The following C3orf20 variants were observed in gnomAD, a reference collection of about 807,000 sequenced individuals.
C3orf20 encodes the protein uncharacterized protein C3orf20.
Under a neutral mutation model 88.3 loss-of-function variants are expected in C3orf20, and 76 were observed. The ratio of observed to expected loss-of-function variants is 0.86; its 90% CI spans 0.72 to 1.04. The LOEUF is 1.04. C3orf20 is among the 50% of genes least tolerant of loss of function. The pLI, the probability that C3orf20 is intolerant of heterozygous loss-of-function variation, is 0.00. For synonymous variants in C3orf20, 436 were observed against 437.4 expected, an observed-to-expected ratio of 1.00 and a Z score of 0.04; for missense variants, 1,056 against 1,123.3, an observed-to-expected ratio of 0.94 and a Z score of 0.86.
rs554327846 is a variant in C3orf20, at chr3:14,726,487, G to A, written c.1567-414G>A. On this transcript the variant is annotated intron_variant, in intron 10 of 16. Transcript: ENST00000253697. ...CGTCCACTTACTCACGAATGCAATA[G>A]CATTTACTGAGCACCTGCATGACAA... 2.0e-5 allele frequency among the ~76,000 whole-genome samples: 3 copies of A among 152,364 alleles called. No individual in the cohort carries two copies. The South Asian group carries it at 6.2e-4, about 32-fold the overall frequency.
Position 14,772,123 on chromosome 3 carries a change from C to G in C3orf20, c.2552C>G (p.Ser851Ter). 1 of 1,614,228 alleles carries G rather than the reference C, an allele frequency of 6.2e-7. No homozygotes were observed. Among genetic ancestry groups the G allele is most frequent in the South Asian group, 1.1e-5 (1 of 91,078 alleles). Reference protein sequence around the residue: ...EDSESVKKAESEDIQGSSSSL... With the variant: ...EDSESVKKAE ...TCTGAATCAGTCAAGAAAGCCGAGT[C>G]AGAAGATATCCAAGGAAGCAGCTCC... The change falls in exon 16 of 17, where the codon TCA (serine) becomes TGA (stop). Residue 851 changes from serine to a stop codon, truncating the protein, a stop_gained. Transcript: ENST00000253697. LOFTEE classifies it high-confidence loss of function. This position sits in a 1 kb window ranked among gnomAD's most constrained non-coding sequence, Gnocchi z 4.2.
At chr3:14,693,166 G>A (rs1469894589) in intron 5 of C3orf20, among the ~76,000 whole-genome samples, 1 of 152,064 alleles carries the variant, frequency 6.6e-6, no homozygotes, top group Non-Finnish European at 1.5e-5. Context: ...GATTCCTCTA[G>A]TTTTATTATT....
rs752054604 is a variant in C3orf20 at position 14,772,043 on chromosome 3, C to T, written c.2496-24C>T. The T allele has an allele frequency of 1.9e-6, 3 of 1,613,846 alleles. No individual in the cohort carries two copies. In the South Asian group the frequency reaches 3.3e-5, roughly 18 times the overall value. On this transcript the variant is annotated intron_variant, in intron 15 of 16. Transcript: ENST00000253697. This position sits in a 1 kb window ranked among gnomAD's most constrained non-coding sequence, Gnocchi z 4.2. ...AGTGCACCCTGGGCCCTGAGCACTGCCCCCGACCCTGCCTCCCCTGCAGTG... is the reference window on the plus strand; with the variant it reads ...AGTGCACCCTGGGCCCTGAGCACTGTCCCCGACCCTGCCTCCCCTGCAGTG...
chr3:14,709,790 T>C (rs1477295391), intron 7 of C3orf20, among the ~76,000 whole-genome samples: 1 of 152,196 alleles, frequency 6.6e-6, no homozygotes, highest in Non-Finnish European at 1.5e-5. Context: ...TTTGTTAAGG[T>C]ATTTTATGTT....
rs994998087 is a variant in C3orf20, at chr3:14,728,385, G to A, written c.1691-54G>A. ...AGATGTTTCCAGTCTGGGACCAGGGGCAGAGGAGTCCTGGCCATGAAGGGA... is the reference window on the plus strand; with the variant it reads ...AGATGTTTCCAGTCTGGGACCAGGGACAGAGGAGTCCTGGCCATGAAGGGA... On this transcript the variant is annotated intron_variant, in intron 11 of 16. Transcript: ENST00000253697. The A allele has an allele frequency of 3.1e-6, 5 of 1,605,216 alleles. No individual in the cohort carries two copies. In the East Asian group the frequency reaches 6.7e-5, roughly 22 times the overall value.
At chr3:14,727,106 G>C in intron 11 of C3orf20, 82 bp downstream of exon 11, 1 of 1,474,862 alleles carries the variant, frequency 6.8e-7, no homozygotes, top group South Asian at 1.2e-5. Context: ...TCAAGGGACA[G>C]ACCTTTACTT....
intron 4 of C3orf20, among the ~76,000 whole-genome samples, 162 bp downstream of exon 4, chr3:14,684,544 T>G (rs556555144): frequency 6.6e-6 from 1 of 152,266 alleles, no homozygotes; most frequent in South Asian, 2.1e-4. Context: ...GTGGATGAAT[T>G]GGTGCAATTC....
chr3:14,737,500 C>G (rs1462458319), intron 12 of C3orf20, among the ~76,000 whole-genome samples: 1 of 152,196 alleles, frequency 6.6e-6, no homozygotes, highest in Non-Finnish European at 1.5e-5. Context: ...AGCATTACCT[C>G]TAAAAACACA....
At chr3:14,712,167 C>T (rs965293363) in intron 7 of C3orf20, among the ~76,000 whole-genome samples, 5 of 22,336 alleles carry the variant, frequency 2.2e-4, no homozygotes, top group African/African-American at 8.7e-4. Context: ...CACACACGCA[C>T]ACACACGCGC....
At chr3:14,707,487 GTGTGTT>G (rs2033560953) in intron 7 of C3orf20, among the ~76,000 whole-genome samples, 1 of 139,926 alleles carries the variant, frequency 7.1e-6, no homozygotes, top group Non-Finnish European at 1.6e-5. Context: ...GTGTGTGTGT[GTGTGTT>G]TTGGTGTATC....
chr3:14,742,949 A>G (rs1004496178), intron 12 of C3orf20, among the ~76,000 whole-genome samples: 12 of 152,100 alleles, frequency 7.9e-5, no homozygotes, highest in African/African-American at 2.7e-4. Flanking sequence ...ACACGTGGGA[A>G]TTCTGAGAGA....
At chr3:14,750,944 T>C (rs2035203202) in intron 12 of C3orf20, among the ~76,000 whole-genome samples, 1 of 152,236 alleles carries the variant, frequency 6.6e-6, no homozygotes, top group Non-Finnish European at 1.5e-5. Context: ...TGAGTATGTT[T>C]GATGCTGTCC....
chr3:14,756,042 A>AG (rs1482879186), intron 12 of C3orf20, among the ~76,000 whole-genome samples: 2 of 148,208 alleles, frequency 1.3e-5, no homozygotes, highest in Non-Finnish European at 1.5e-5. Context: ...AAAAAAAAAA[A>AG]AAAAAGAAAA....
chr3:14,752,868 G>T (rs2035258798), intron 12 of C3orf20, among the ~76,000 whole-genome samples: 1 of 152,180 alleles, frequency 6.6e-6, no homozygotes. Context: ...GGAGAAATAG[G>T]CACGCTTTTA....
chr3:14,682,350 C>G lies in C3orf20; in HGVS notation c.-137+19C>G. On this transcript the variant is annotated intron_variant, in intron 2 of 16. Transcript: ENST00000253697. ...ACAAAAGGTGCAATGGGACCTTTCTCTCTTCCCCAGCCCTTCCATTCCTCC... is the reference window on the plus strand; with the variant it reads ...ACAAAAGGTGCAATGGGACCTTTCTGTCTTCCCCAGCCCTTCCATTCCTCC... 5.2e-6 allele frequency: 1 copy of G among 193,464 alleles called. No individual in the cohort carries two copies. The highest frequency in any genetic ancestry group is 1.1e-5 in the Non-Finnish European group (1 of 93,952). 12.0% of individuals were successfully genotyped at this position (193,464 alleles called of 1,614,324 possible). A position where few individuals can be genotyped will look rare whatever the true frequency, so the allele number is the denominator to read the frequency against.
intron 1 of C3orf20, among the ~76,000 whole-genome samples, chr3:14,681,839 T>C (rs894226813): frequency 2.6e-5 from 4 of 152,228 alleles, no homozygotes; most frequent in Non-Finnish European, 4.4e-5. Flanking sequence ...TCTTTATGCT[T>C]CCTTTCTTCA....
intron 12 of C3orf20, among the ~76,000 whole-genome samples, chr3:14,730,009 GAGCATTACCAGCTCCTTAGA>G: frequency 6.6e-6 from 1 of 152,230 alleles, no homozygotes; most frequent in African/African-American, 2.4e-5. Context: ...TCAAGAAATA[GAGCATTACCAGCTCCTTAGA>G]AGCCCCCTTT....
chr3:14,730,222 G>A (rs1186787898), intron 12 of C3orf20, among the ~76,000 whole-genome samples: 1 of 152,166 alleles, frequency 6.6e-6, no homozygotes, highest in East Asian at 1.9e-4. Context: ...GTTATGTATA[G>A]CAATAGTTTC....
chr3:14,758,288 C>G (rs1250653580), intron 13 of C3orf20, among the ~76,000 whole-genome samples: 3 of 151,424 alleles, frequency 2.0e-5, no homozygotes, highest in Middle Eastern at 3.2e-3. Context: ...GATTAATGTT[C>G]CTAGAAGAGG....
Sources: allele counts gnomAD v4.1 joint callset (sites outside exome capture counted in the v4.1 genomes callset), GRCh38; gene constraint gnomAD v4.1.1; non-coding constraint Gnocchi (gnomAD v3.1); transcripts MANE v1.5; gene names NCBI Gene and HGNC (gene_info 2026-07-23, HGNC 2026-07-21).